Variants in TBC1D22A observed in about 807,000 individuals in gnomAD.
TBC1D22A encodes the protein putative GTPase activator.
TBC1D22A carries 38 observed loss-of-function variants against 60.2 expected under a neutral mutation model. The ratio of observed to expected loss-of-function variants is 0.63; its 90% CI spans 0.49 to 0.83. TBC1D22A has a LOEUF of 0.83. TBC1D22A is among the 40% of genes least tolerant of loss of function. TBC1D22A has a pLI of 0.00. For missense variants in TBC1D22A, 628 were observed against 701.0 expected (o/e 0.90, Z 1.18); for synonymous variants, 302 against 281.7 (o/e 1.07, Z -0.72).
chr22:47,107,489 A>G (rs192790992), intron 11 of TBC1D22A, among the ~76,000 whole-genome samples: 14 of 152,354 alleles, frequency 9.2e-5, no homozygotes, highest in Admixed American at 5.2e-4. Flanking sequence ...TTTCAATATC[A>G]TCAAAAATAT....
At chr22:46,897,378 G>A (rs146942925) in intron 7 of TBC1D22A, among the ~76,000 whole-genome samples, 1 of 152,276 alleles carries the variant, frequency 6.6e-6, no homozygotes, top group Non-Finnish European at 1.5e-5. Context: ...ACCAATGAGA[G>A]GCTGAAGTGA....
intron 8 of TBC1D22A, among the ~76,000 whole-genome samples, chr22:46,948,540 G>A (rs2072695586): frequency 6.6e-6 from 1 of 152,150 alleles, no homozygotes; most frequent in Admixed American, 6.5e-5. Flanking sequence ...TCTCACTCCG[G>A]GTGTGTATTG....
intron 10 of TBC1D22A, among the ~76,000 whole-genome samples, chr22:47,010,775 T>A (rs1056192429): frequency 1.2e-4 from 18 of 152,168 alleles, no homozygotes; most frequent in African/African-American, 3.6e-4. Context: ...CCATTGAAAC[T>A]CTAAATGGAT....
At chr22:47,131,428 C>T (rs917136787) in intron 12 of TBC1D22A, among the ~76,000 whole-genome samples, 1 of 152,228 alleles carries the variant, frequency 6.6e-6, no homozygotes, top group African/African-American at 2.4e-5. Flanking sequence ...CGTTGCACCA[C>T]CTGGTTGAGC....
chr22:46,935,124 C>G (rs953766300), intron 8 of TBC1D22A, among the ~76,000 whole-genome samples: 12 of 152,000 alleles, frequency 7.9e-5, no homozygotes, highest in African/African-American at 2.7e-4. Flanking sequence ...ATATGACTCC[C>G]CAAGCAATGA....
At chr22:47,023,915 A>G (rs547201139) in intron 10 of TBC1D22A, among the ~76,000 whole-genome samples, 146 of 152,372 alleles carry the variant, frequency 9.6e-4, no homozygotes, top group African/African-American at 3.2e-3. Context: ...GGAGTGCCCA[A>G]AGTGGCAAGT....
chr22:46,867,376 C>T (rs1007554058), intron 4 of TBC1D22A, among the ~76,000 whole-genome samples: 6 of 152,152 alleles, frequency 3.9e-5, no homozygotes, highest in African/African-American at 1.4e-4. Flanking sequence ...GATGATGAAC[C>T]AAGTGGTGAC....
At chr22:46,766,289 G>T (rs1024262874) in intron 1 of TBC1D22A, among the ~76,000 whole-genome samples, 1 of 151,956 alleles carries the variant, frequency 6.6e-6, no homozygotes, top group African/African-American at 2.4e-5. Flanking sequence ...GAGCCACTGT[G>T]CCCGGCAATT....
intron 7 of TBC1D22A, among the ~76,000 whole-genome samples, chr22:46,908,129 C>G (rs1183934760): frequency 1.3e-5 from 2 of 152,202 alleles, no homozygotes; most frequent in African/African-American, 4.8e-5. Flanking sequence ...GCAGCAACCT[C>G]TGCTGCTCAG....
At chr22:46,806,165 C>G (rs1206953545) in intron 4 of TBC1D22A, among the ~76,000 whole-genome samples, 1 of 152,140 alleles carries the variant, frequency 6.6e-6, no homozygotes. Context: ...ACCCTCTTAT[C>G]ACATTTACCC....
chr22:47,076,611 G>A (rs1452569929), intron 11 of TBC1D22A, among the ~76,000 whole-genome samples: 1 of 151,890 alleles, frequency 6.6e-6, no homozygotes, highest in African/African-American at 2.4e-5. Flanking sequence ...ACTATGTGAG[G>A]ACTGGTTTAT....
At chr22:47,019,384 T>C (rs1018979904) in intron 10 of TBC1D22A, among the ~76,000 whole-genome samples, 1 of 152,256 alleles carries the variant, frequency 6.6e-6, no homozygotes, top group African/African-American at 2.4e-5. Context: ...TAGGGAACTC[T>C]TCTCTGATGA....
At chr22:47,022,803 G>A (rs2062133664) in intron 10 of TBC1D22A, among the ~76,000 whole-genome samples, 1 of 152,114 alleles carries the variant, frequency 6.6e-6, no homozygotes, top group Non-Finnish European at 1.5e-5. Context: ...TTCAGTAGTG[G>A]TAGTATAGAA....
At chr22:46,797,756 T>C (rs2146936038) in intron 4 of TBC1D22A, 136 bp downstream of exon 4, 6 of 884,318 alleles carry the variant, frequency 6.8e-6, no homozygotes, top group Non-Finnish European at 9.7e-6. Flanking sequence ...AGGAAGGTGA[T>C]GTTTTCATGT....
intron 4 of TBC1D22A, among the ~76,000 whole-genome samples, chr22:46,812,884 A>G (rs1285540888): frequency 6.6e-6 from 1 of 152,184 alleles, no homozygotes; most frequent in Non-Finnish European, 1.5e-5. Flanking sequence ...CTTTCAAGCC[A>G]TTTGATGCTT....
At chr22:47,031,868 A>G (rs1464531546) in intron 10 of TBC1D22A, among the ~76,000 whole-genome samples, 2 of 152,124 alleles carry the variant, frequency 1.3e-5, no homozygotes, top group East Asian at 3.9e-4. Context: ...AGCGTCCCTC[A>G]GGGAGGGGCT....
chr22:46,840,660 A>G (rs1393300522), intron 4 of TBC1D22A, among the ~76,000 whole-genome samples: 3 of 151,966 alleles, frequency 2.0e-5, no homozygotes, highest in Non-Finnish European at 4.4e-5. Flanking sequence ...TTGAACCCAG[A>G]AGGCGGAGGT....
intron 9 of TBC1D22A, among the ~76,000 whole-genome samples, chr22:46,992,060 G>T (rs2074964026): frequency 6.6e-6 from 1 of 152,228 alleles, no homozygotes; most frequent in Non-Finnish European, 1.5e-5. Flanking sequence ...TCAGCTGTCA[G>T]ACTGTCATCC....
intron 6 of TBC1D22A, among the ~76,000 whole-genome samples, chr22:46,894,387 C>A (rs902086337): frequency 2.6e-5 from 4 of 152,186 alleles, no homozygotes; most frequent in African/African-American, 9.7e-5. Context: ...GGCCTCTGTC[C>A]AGGAAGAAGC....
Sources: allele counts gnomAD v4.1 joint callset (sites outside exome capture counted in the v4.1 genomes callset), GRCh38; gene constraint gnomAD v4.1.1; transcripts MANE v1.5; gene names NCBI Gene and HGNC (gene_info 2026-07-23, HGNC 2026-07-21).